L3MBTL4: variants seen among roughly 807,000 people sequenced by gnomAD.
L3MBTL4 encodes the protein L3MBTL histone methyl-lysine binding protein 4.
Under a neutral mutation model 84.5 loss-of-function variants are expected in L3MBTL4, and 70 were observed. The observed-to-expected ratio is 0.83, with a 90% CI of 0.68 to 1.01. L3MBTL4 has a LOEUF of 1.01. Ranked by LOEUF, L3MBTL4 falls within the 50% of genes least tolerant of loss-of-function variation. The pLI, the probability that L3MBTL4 is intolerant of heterozygous loss-of-function variation, is 0.00. For missense variants in L3MBTL4, 715 were observed against 754.8 expected (o/e 0.95, Z 0.62); for synonymous variants, 274 against 259.8 (o/e 1.05, Z -0.52).
chr18:6,014,931 C>T (rs2054895806), intron 16 of L3MBTL4, among the ~76,000 whole-genome samples: 1 of 151,904 alleles, frequency 6.6e-6, no homozygotes, highest in Non-Finnish European at 1.5e-5. Flanking sequence ...AGTGAGAAAT[C>T]CTGGTGGCTT....
intron 14 of L3MBTL4, among the ~76,000 whole-genome samples, chr18:6,124,368 T>C (rs2144380182): frequency 6.6e-6 from 1 of 150,622 alleles, no homozygotes; most frequent in African/African-American, 2.4e-5. Flanking sequence ...TAGAGGTAAA[T>C]TTAATGAAAA....
intron 16 of L3MBTL4, among the ~76,000 whole-genome samples, chr18:6,068,014 C>G (rs938187899): frequency 6.6e-6 from 1 of 151,962 alleles, no homozygotes; most frequent in Non-Finnish European, 1.5e-5. Context: ...TAATGTTTAT[C>G]ATTTATTATA....
chr18:6,063,215 A>G (rs1318091665), intron 16 of L3MBTL4, among the ~76,000 whole-genome samples: 1 of 151,698 alleles, frequency 6.6e-6, no homozygotes, highest in African/African-American at 2.4e-5. Context: ...TATATATACC[A>G]CATTTCCTTT....
Position 6,311,594 on chromosome 18 carries a change from T to A in L3MBTL4, c.32A>T (p.Asn11Ile). 6.2e-7 allele frequency: 1 copy of A among 1,613,714 alleles called. No individual in the cohort carries two copies. Among genetic ancestry groups the A allele is most frequent in the East Asian group, 2.2e-5 (1 of 44,838 alleles). MKQPNRKRKL[N>I]MDSKERLDQD... ...ATCCAAACGCTCTTTGGAATCCATA[T>A]TAAGCTTCCTTTTCCTGTTGGGCTG... The change falls in exon 3 of 19, where the codon AAT becomes ATT. Residue 11 changes from asparagine (N) to isoleucine (I), a missense_variant. Coordinates refer to ENST00000317931, the MANE Select transcript of L3MBTL4 (RefSeq NM_001330559.2).
intron 3 of L3MBTL4, among the ~76,000 whole-genome samples, chr18:6,304,034 A>C (rs900765767): frequency 2.0e-5 from 3 of 151,644 alleles, no homozygotes; most frequent in Non-Finnish European, 4.4e-5. Flanking sequence ...AAAAAACAAA[A>C]AAAAAAGACT....
intron 14 of L3MBTL4, among the ~76,000 whole-genome samples, chr18:6,132,778 G>T (rs1164252642): frequency 2.6e-5 from 4 of 152,150 alleles, no homozygotes; most frequent in African/African-American, 9.7e-5. Context: ...CAGAGAAGCT[G>T]CTGGAACAAA....
chr18:6,250,391 C>T (rs868547248), intron 5 of L3MBTL4, among the ~76,000 whole-genome samples: 1 of 152,116 alleles, frequency 6.6e-6, no homozygotes, highest in Admixed American at 6.5e-5. Context: ...GTGTGCCATC[C>T]ACTCCACATT....
At chr18:6,032,288 A>G in intron 16 of L3MBTL4, 3 of 976,448 alleles carry the variant, frequency 3.1e-6, no homozygotes, top group Non-Finnish European at 1.2e-6. Context: ...TAAATTAAAA[A>G]AAAAAAAAAA....
intron 1 of L3MBTL4, among the ~76,000 whole-genome samples, chr18:6,319,396 TA>T (rs1242209106): frequency 6.6e-6 from 1 of 151,512 alleles, no homozygotes; most frequent in Non-Finnish European, 1.5e-5. Flanking sequence ...AAAATAAAAA[TA>T]AAATACAATA....
intron 4 of L3MBTL4, among the ~76,000 whole-genome samples, chr18:6,277,916 T>C (rs562115437): frequency 1.3e-5 from 2 of 152,246 alleles, no homozygotes; most frequent in South Asian, 4.1e-4. Flanking sequence ...AGGTATAAAA[T>C]CTTATCATGT....
chr18:6,089,368 A>G (rs1458323273), intron 15 of L3MBTL4, among the ~76,000 whole-genome samples: 2 of 152,204 alleles, frequency 1.3e-5, no homozygotes, highest in Non-Finnish European at 2.9e-5. Flanking sequence ...TCTTCCCTTC[A>G]GTAGTTCTAT....
chr18:6,231,513 C>T (rs1354333388), intron 10 of L3MBTL4, among the ~76,000 whole-genome samples: 1 of 152,082 alleles, frequency 6.6e-6, no homozygotes, highest in African/African-American at 2.4e-5. Flanking sequence ...CAATGGGATG[C>T]CTTAACAATA....
At chr18:6,269,956 A>G (rs1402501663) in intron 4 of L3MBTL4, among the ~76,000 whole-genome samples, 3 of 152,240 alleles carry the variant, frequency 2.0e-5, no homozygotes, top group Admixed American at 6.5e-5. Context: ...ACAACCAGGT[A>G]TATCTTAAGA....
chr18:5,991,652 A>T (rs1329551308), intron 16 of L3MBTL4, among the ~76,000 whole-genome samples: 2 of 152,346 alleles, frequency 1.3e-5, no homozygotes, highest in African/African-American at 4.8e-5. Context: ...CAAGATTTTT[A>T]AAAAATTGAA....
intron 15 of L3MBTL4, among the ~76,000 whole-genome samples, chr18:6,089,296 G>T (rs1210656493): frequency 6.6e-6 from 1 of 152,100 alleles, no homozygotes; most frequent in Admixed American, 6.5e-5. Context: ...GCTCAAGACG[G>T]ACATTTTGTA....
Position 6,243,760 on chromosome 18 carries a change from A to G in L3MBTL4, c.325-331T>C, listed in dbSNP as rs139441202. On this transcript the variant is annotated intron_variant, in intron 6 of 18. Coordinates refer to ENST00000317931, the MANE Select transcript of L3MBTL4 (RefSeq NM_001330559.2). ...GTCAAATATTCCCTTCAGCAACCCTATCTTCTGCCCTCTGGCCTGGATTCA... is the reference window on the plus strand; with the variant it reads ...GTCAAATATTCCCTTCAGCAACCCTGTCTTCTGCCCTCTGGCCTGGATTCA... Among the ~76,000 whole-genome samples, 112 of 152,346 alleles carry G rather than the reference A, an allele frequency of 7.4e-4. 2 individuals carry two copies. The East Asian group carries it at 0.021, about 28-fold the overall frequency.
intron 1 of L3MBTL4, among the ~76,000 whole-genome samples, chr18:6,413,507 C>T (rs2056056308): frequency 6.6e-6 from 1 of 152,102 alleles, no homozygotes; most frequent in Admixed American, 6.5e-5. Context: ...TTAATATTAC[C>T]AAGGGCCAAA....
At chr18:6,103,293 T>C (rs1243331659) in intron 14 of L3MBTL4, among the ~76,000 whole-genome samples, 1 of 152,236 alleles carries the variant, frequency 6.6e-6, no homozygotes, top group Non-Finnish European at 1.5e-5. Flanking sequence ...GTTATTAAAA[T>C]GAACTTTTTT....
At chr18:6,306,915 A>C (rs898753460) in intron 3 of L3MBTL4, among the ~76,000 whole-genome samples, 2 of 152,172 alleles carry the variant, frequency 1.3e-5, no homozygotes, top group African/African-American at 2.4e-5. Flanking sequence ...CTCCTGACCC[A>C]TGCCCCAACC....
Sources: allele counts gnomAD v4.1 joint callset (sites outside exome capture counted in the v4.1 genomes callset), GRCh38; gene constraint gnomAD v4.1.1; transcripts MANE v1.5; gene names NCBI Gene and HGNC (gene_info 2026-07-23, HGNC 2026-07-21).